UVRAG: variants seen among roughly 807,000 people sequenced by gnomAD.
The protein encoded by UVRAG is UV radiation resistance-associated gene protein.
UVRAG carries 19 observed loss-of-function variants against 78.0 expected under a neutral mutation model. The observed-to-expected ratio is 0.24, with a 90% CI of 0.17 to 0.36. The LOEUF (loss-of-function observed/expected upper bound fraction) is 0.36. Ranked by LOEUF, UVRAG falls within the 10% of genes least tolerant of loss-of-function variation. UVRAG has a pLI of 1.00. For synonymous variants in UVRAG, 323 were observed against 324.6 expected (o/e 1.00, Z 0.05); for missense variants, 740 against 853.8 (o/e 0.87, Z 1.66).
chr11:75,954,096 A>G (rs972368148), intron 6 of UVRAG, among the ~76,000 whole-genome samples: 1 of 152,170 alleles, frequency 6.6e-6, no homozygotes, highest in African/African-American at 2.4e-5. Flanking sequence ...CAAAGTCTAA[A>G]TACTTCAAAC....
chr11:76,112,059 G>A (rs1315087257), intron 13 of UVRAG, among the ~76,000 whole-genome samples: 2 of 152,034 alleles, frequency 1.3e-5, no homozygotes, highest in Non-Finnish European at 2.9e-5. Context: ...TATTCATATT[G>A]AAAGGATGTA....
At position 75,815,231 on chromosome 11, in the gene UVRAG, C is replaced by CCAGCGGCGGCAACGGCGGCAGCGGCGG. The variant is rs1335444601; in HGVS notation, c.-166_-140dup. The CCAGCGGCGGCAACGGCGGCAGCGGCGG allele has an allele frequency of 3.8e-5, 17 of 445,284 alleles. No individual in the cohort carries two copies. Among genetic ancestry groups the CCAGCGGCGGCAACGGCGGCAGCGGCGG allele is most frequent in the African/African-American group, 2.1e-4 (10 of 48,560 alleles). The allele number at this position is 445,284 out of a possible 1,614,324, so 27.6% of individuals were successfully genotyped here. On this transcript the variant is annotated 5_prime_UTR_variant, in exon 1 of 15. Coordinates refer to ENST00000356136, the MANE Select transcript of UVRAG (RefSeq NM_003369.4). ...CTGCGGTAATATGGCTCTTCCTTAG[C>CCAGCGGCGGCAACGGCGGCAGCGGCGG]CAGCGGCGGCAACGGCGGCAGCGGC...
At chr11:75,930,884 C>T (rs369109858) in intron 6 of UVRAG, 8 of 152,176 alleles carry the variant, frequency 5.3e-5, no homozygotes, top group African/African-American at 1.9e-4. Flanking sequence ...GTGGTGAAAA[C>T]GATCTCTGGT....
At chr11:76,091,595 G>T (rs999628063) in intron 13 of UVRAG, among the ~76,000 whole-genome samples, 3 of 151,978 alleles carry the variant, frequency 2.0e-5, no homozygotes, top group African/African-American at 7.2e-5. Flanking sequence ...CCTCTGGAGA[G>T]ATTTGCTTAC....
At chr11:75,848,421 T>G (rs1233733400) in intron 1 of UVRAG, among the ~76,000 whole-genome samples, 2 of 152,228 alleles carry the variant, frequency 1.3e-5, no homozygotes, top group Non-Finnish European at 2.9e-5. Flanking sequence ...ATGGTCTGAA[T>G]GTGGTTTGTT....
intron 13 of UVRAG, among the ~76,000 whole-genome samples, chr11:76,100,956 G>A (rs553248572): frequency 2.0e-5 from 3 of 152,000 alleles, no homozygotes; most frequent in East Asian, 3.9e-4. Flanking sequence ...TTTTTATGGC[G>A]GCATAATATT....
At position 76,142,544 on chromosome 11, in the gene UVRAG, A is replaced by G. The variant is rs1348274819; in HGVS notation, c.*1131A>G. ...TTCAGATTTCATTTGCTGTTGCTTT[A>G]TACGTTACGTACCCAAGGACATTGC... On this transcript the variant is annotated 3_prime_UTR_variant, in exon 15 of 15. Coordinates refer to ENST00000356136, the MANE Select transcript of UVRAG (RefSeq NM_003369.4). 2.6e-5 allele frequency: 4 copies of G among 152,674 alleles called. No individual in the cohort carries two copies. Among genetic ancestry groups the G allele is most frequent in the East Asian group, 3.8e-4 (2 of 5,202 alleles). 9.5% of individuals were successfully genotyped at this position (152,674 alleles called of 1,614,324 possible). A position where few individuals can be genotyped will look rare whatever the true frequency, so the allele number is the denominator to read the frequency against.
At chr11:75,827,136 A>T (rs918351353) in intron 1 of UVRAG, among the ~76,000 whole-genome samples, 1 of 152,222 alleles carries the variant, frequency 6.6e-6, no homozygotes, top group African/African-American at 2.4e-5. Flanking sequence ...GGGAAGACAT[A>T]AAAGTAAAAG....
At chr11:76,123,440 G>A (rs968944338) in intron 14 of UVRAG, among the ~76,000 whole-genome samples, 1 of 152,194 alleles carries the variant, frequency 6.6e-6, no homozygotes, top group Non-Finnish European at 1.5e-5. Context: ...CACGTGGGTC[G>A]GGTGAGTAGC....
intron 1 of UVRAG, among the ~76,000 whole-genome samples, chr11:75,827,880 A>G (rs185463035): frequency 6.6e-6 from 1 of 152,290 alleles, no homozygotes; most frequent in East Asian, 1.9e-4. Context: ...AATCTTGCTT[A>G]GGATTTTGAA....
chr11:75,827,995 A>C (rs1367152953), intron 1 of UVRAG, among the ~76,000 whole-genome samples: 1 of 152,144 alleles, frequency 6.6e-6, no homozygotes, highest in Non-Finnish European at 1.5e-5. Flanking sequence ...CTAAGTATAC[A>C]TGAGAAGTAG....
rs968630810 is a variant in UVRAG at position 76,142,616 on chromosome 11, G to A, written c.*1203G>A. 6.6e-6 allele frequency: 1 copy of A among 152,448 alleles called. No homozygotes were observed. Among genetic ancestry groups the A allele is most frequent in the African/African-American group, 2.4e-5 (1 of 41,422 alleles). 9.4% of individuals were successfully genotyped at this position (152,448 alleles called of 1,614,324 possible). On this transcript the variant is annotated 3_prime_UTR_variant, in exon 15 of 15. Coordinates refer to ENST00000356136, the MANE Select transcript of UVRAG (RefSeq NM_003369.4). ...AAGGAAAATTTATCCATATATCCAT[G>A]TATTATATAGAAGAATAAAAATTGA...
intron 13 of UVRAG, among the ~76,000 whole-genome samples, chr11:76,111,380 CTATA>C (rs1248332183): frequency 2.0e-5 from 3 of 152,036 alleles, no homozygotes; most frequent in Non-Finnish European, 4.4e-5. Context: ...GGTTGACAGT[CTATA>C]GAAAAAGAAG....
At chr11:76,089,935 G>T (rs576791558) in intron 13 of UVRAG, among the ~76,000 whole-genome samples, 1 of 152,194 alleles carries the variant, frequency 6.6e-6, no homozygotes, top group African/African-American at 2.4e-5. Context: ...GGACCCTGGA[G>T]AAACCCTAAA....
chr11:75,832,969 TATC>T (rs1565336454), intron 1 of UVRAG, among the ~76,000 whole-genome samples: 2 of 152,186 alleles, frequency 1.3e-5, no homozygotes, highest in East Asian at 1.9e-4. Context: ...ATACATTTCT[TATC>T]ATACCAGTGT....
chr11:75,968,890 T>G (rs1419309574), intron 7 of UVRAG, among the ~76,000 whole-genome samples: 1 of 152,254 alleles, frequency 6.6e-6, no homozygotes, highest in African/African-American at 2.4e-5. Flanking sequence ...GCTTCTTGAT[T>G]ATACTATTGC....
chr11:75,833,658 C>CAG (rs1463423571), intron 1 of UVRAG, among the ~76,000 whole-genome samples: 5 of 152,150 alleles, frequency 3.3e-5, no homozygotes, highest in Admixed American at 6.5e-5. Flanking sequence ...AGCCTCGGAA[C>CAG]AGAGATTTAC....
At chr11:75,928,815 G>A (rs1219035571) in intron 6 of UVRAG, among the ~76,000 whole-genome samples, 1 of 151,596 alleles carries the variant, frequency 6.6e-6, no homozygotes, top group Non-Finnish European at 1.5e-5. Flanking sequence ...GGTGGTGGGC[G>A]CCCGTAGTCC....
chr11:75,841,389 T>C (rs1945905121), intron 1 of UVRAG, among the ~76,000 whole-genome samples: 3 of 152,212 alleles, frequency 2.0e-5, no homozygotes, highest in Admixed American at 6.5e-5. Flanking sequence ...GAAGAGTATG[T>C]AGACAGACAG....
Sources: allele counts gnomAD v4.1 joint callset (sites outside exome capture counted in the v4.1 genomes callset), GRCh38; gene constraint gnomAD v4.1.1; transcripts MANE v1.5; gene names NCBI Gene and HGNC (gene_info 2026-07-23, HGNC 2026-07-21).